Variants in SEC23A observed in about 807,000 individuals in gnomAD.
The protein encoded by SEC23A is protein transport protein Sec23A.
In SEC23A, 56 loss-of-function variants were observed where a neutral mutation model predicts 103.7. The ratio of observed to expected loss-of-function variants is 0.54; its 90% CI spans 0.44 to 0.67. SEC23A has a LOEUF of 0.67. Ranked by LOEUF, SEC23A falls within the 30% of genes least tolerant of loss-of-function variation. The pLI is 0.00. For synonymous variants in SEC23A, 281 were observed against 293.0 expected, an observed-to-expected ratio of 0.96 and a Z score of 0.42; for missense variants, 784 against 936.4, an observed-to-expected ratio of 0.84 and a Z score of 2.12.
rs116161131 is a variant in SEC23A, at chr14:39,095,102, G to C, written c.221+796C>G. On this transcript the variant is annotated intron_variant, in intron 2 of 19. Transcript: ENST00000307712. ...AAAAGACTGTGGTATCTTGAAGCAG[G>C]GTATACTACCAGAGATGGAATAAGA... 1.5e-3 allele frequency: 992 copies of C among 655,424 alleles called. 10 individuals carry two copies. The African/African-American group carries it at 0.016, about 11-fold the overall frequency. 40.6% of individuals were successfully genotyped at this position (655,424 alleles called of 1,614,324 possible).
At position 39,064,976 on chromosome 14, in the gene SEC23A, C is replaced by T. The variant is rs1162893166; in HGVS notation, c.1245G>A (p.Lys415=). Residue 415 remains lysine (K), a synonymous_variant, in exon 11 of 20, where the codon AAG becomes AAA. Transcript: ENST00000307712. Reference sequence around the variant, plus strand: ...CACAGGGTCCAATAGCTCCTGAAATCTTTATTTCCCTTGAGGTCTGCAAAA... The same window carrying T: ...CACAGGGTCCAATAGCTCCTGAAATTTTTATTTCCCTTGAGGTCTGCAAAA... ...TLEIKTSREI[K]ISGAIGPCVS... 5 of 1,612,312 alleles carry T rather than the reference C, an allele frequency of 3.1e-6. No homozygotes were observed. Among genetic ancestry groups the T allele is most frequent in the East Asian group, 2.2e-5 (1 of 44,878 alleles).
Position 39,055,261 on chromosome 14 carries a change from G to C in SEC23A, c.1541C>G (p.Ala514Gly). 1 of 1,614,146 alleles carries C rather than the reference G, an allele frequency of 6.2e-7. No homozygotes were observed. Among genetic ancestry groups the C allele is most frequent in the South Asian group, 1.1e-5 (1 of 91,082 alleles). Reference sequence around the variant, plus strand: ...AGCTGCCTCCTGGTCAAAAGATGCAGCAATGTTTTGGATTTGAGTTTGAGC... The same window carrying C: ...AGCTGCCTCCTGGTCAAAAGATGCACCAATGTTTTGGATTTGAGTTTGAGC... The part of the protein sequence containing the change: ...ADAQTQIQNI[A>G]ASFDQEAAAI... Residue 514 changes from alanine (A) to glycine (G), a missense_variant, in exon 14 of 20, where the codon GCT (alanine) becomes GGT (glycine). Coordinates refer to ENST00000307712, the MANE Select transcript of SEC23A (RefSeq NM_006364.4).
intron 14 of SEC23A, among the ~76,000 whole-genome samples, chr14:39,052,566 T>C (rs1045336741): frequency 1.3e-5 from 2 of 152,184 alleles, no homozygotes; most frequent in African/African-American, 2.4e-5. Context: ...TGTGACAACC[T>C]ACCAATTCAG....
In SEC23A at chr14:39,055,166, G is replaced by A. The variant is rs745952720; in HGVS notation, c.1636C>T (p.Leu546=). The change falls in exon 14 of 20, where the codon CTG becomes TTG. Residue 546 remains leucine, a synonymous_variant. Transcript: ENST00000307712. Reference sequence around the variant, plus strand: ...ACCAGTCGAATGAGCTGTCTGTCCAGCCACCTAAGCACATCTGGACCTTCT... The same window carrying A: ...ACCAGTCGAATGAGCTGTCTGTCCAACCACCTAAGCACATCTGGACCTTCT... ...TEEGPDVLRW[L]DRQLIRLCQK... is the part of the protein sequence containing the mutation. 6.2e-7 allele frequency: 1 copy of A among 1,614,144 alleles called. No homozygotes were observed. The highest frequency in any genetic ancestry group is 1.7e-5 in the Admixed American group (1 of 60,020).
rs1886947114 is a variant in SEC23A at position 39,074,512 on chromosome 14, T to C, written c.1006A>G (p.Asn336Asp). The C allele has an allele frequency of 1.2e-6, 2 of 1,608,724 alleles. No individual in the cohort carries two copies. Among genetic ancestry groups the C allele is most frequent in the East Asian group, 4.5e-5 (2 of 44,824 alleles). ...ACATGGCCAGTTGTAGCAGCTCGAT[T>C]AGCCAATGCTTCAAAATGCTACAAA... ...KGTKHFEALA[N>D]RAATTGHVID... is the part of the protein sequence containing the mutation. The change falls in exon 9 of 20, where the codon AAT becomes GAT. Residue 336 changes from asparagine to aspartate, a missense_variant. Asn to Asp is a conservative substitution (Grantham distance 23, BLOSUM62 1). Transcript: ENST00000307712.
At chr14:39,074,307 A>C (rs1403140610) in intron 9 of SEC23A, 108 bp downstream of exon 9, 3 of 767,676 alleles carry the variant, frequency 3.9e-6, no homozygotes, top group Non-Finnish European at 4.7e-6. Flanking sequence ...TGTTGCCTTG[A>C]AGTAGTGGGA....
rs1386746521 is a variant in SEC23A, at chr14:39,091,235, T to C, written c.603+242A>G. 3 of 525,940 alleles carry C rather than the reference T, an allele frequency of 5.7e-6. No individual in the cohort carries two copies. The African/African-American group carries it at 5.7e-5, about 10-fold the overall frequency. 32.6% of individuals were successfully genotyped at this position (525,940 alleles called of 1,614,324 possible). A position where few individuals can be genotyped will look rare whatever the true frequency, so the allele number is the denominator to read the frequency against. The stretch of plus-strand genomic sequence containing the variant: ...TAAGCCCTTCAAATCTCTAGTAAAA[T>C]ACTGTTGGTTTGACTTTAAATTTTA... On this transcript the variant is annotated intron_variant, in intron 5 of 19. Coordinates refer to ENST00000307712, the MANE Select transcript of SEC23A (RefSeq NM_006364.4).
chr14:39,087,813 A>T (rs576395508), intron 5 of SEC23A: 13 of 152,316 alleles, frequency 8.5e-5, no homozygotes, highest in African/African-American at 3.1e-4. Context: ...CTAAGAACTT[A>T]ATATGTTCCA....
At chr14:39,040,419 C>A (rs1177716922) in intron 18 of SEC23A, 1 of 323,936 alleles carries the variant, frequency 3.1e-6, no homozygotes, top group East Asian at 6.0e-5. Context: ...AAGTATATTA[C>A]TTTCCAAGCT....
chr14:39,067,115 T>C (rs1202054583), intron 10 of SEC23A, 58 bp downstream of exon 10: 5 of 1,599,636 alleles, frequency 3.1e-6, no homozygotes, highest in Non-Finnish European at 4.3e-6. Context: ...AGAATTACAC[T>C]CAAGCCTATA....
At chr14:39,069,271 T>G (rs1886768236) in intron 9 of SEC23A, among the ~76,000 whole-genome samples, 1 of 152,174 alleles carries the variant, frequency 6.6e-6, no homozygotes, top group Non-Finnish European at 1.5e-5. Flanking sequence ...TCAGCGATCC[T>G]TTTAAACTAT....
chr14:39,044,083 T>C (rs1459817973), intron 16 of SEC23A, among the ~76,000 whole-genome samples: 3 of 152,090 alleles, frequency 2.0e-5, no homozygotes, highest in Non-Finnish European at 4.4e-5. Context: ...TTAATAAGAA[T>C]GATCCAGATG....
chr14:39,064,900 A>G lies in SEC23A; in HGVS notation c.1308+13T>C. The G allele has an allele frequency of 6.3e-7, 1 of 1,584,694 alleles. No individual in the cohort carries two copies. The highest frequency in any genetic ancestry group is 8.7e-7 in the Non-Finnish European group (1 of 1,153,444). ...TGGTCCTGTATTTTCTTTTTAGAATAAACACAACTTACATTTTCAGACACA... is the reference window on the plus strand; with the variant it reads ...TGGTCCTGTATTTTCTTTTTAGAATGAACACAACTTACATTTTCAGACACA... On this transcript the variant is annotated intron_variant, in intron 11 of 19. Coordinates refer to ENST00000307712, the MANE Select transcript of SEC23A (RefSeq NM_006364.4).
chr14:39,048,630 T>C lies in SEC23A; in HGVS notation c.1737+22A>G, dbSNP rs546389601. 41 of 1,458,798 alleles carry C rather than the reference T, an allele frequency of 2.8e-5. No homozygotes were observed. In the East Asian group the frequency reaches 5.0e-4, roughly 18 times the overall value. 90.4% of individuals were successfully genotyped at this position (1,458,798 alleles called of 1,614,324 possible). ...AAGGAAAAAAAAGAAAAGAAAAGAATATGGACCTTTTACCTACTTACCTGT... is the reference window on the plus strand; with the variant it reads ...AAGGAAAAAAAAGAAAAGAAAAGAACATGGACCTTTTACCTACTTACCTGT... On this transcript the variant is annotated intron_variant, in intron 15 of 19. Coordinates refer to ENST00000307712, the MANE Select transcript of SEC23A (RefSeq NM_006364.4).
intron 5 of SEC23A, 169 bp downstream of exon 5, chr14:39,091,308 G>C (rs1448817973): frequency 1.6e-6 from 1 of 617,038 alleles, no homozygotes; most frequent in Non-Finnish European, 2.8e-6. Context: ...AACAATTTAA[G>C]GCACATGAAA....
At chr14:39,086,218 A>G (rs923349657) in intron 6 of SEC23A, among the ~76,000 whole-genome samples, 1 of 152,224 alleles carries the variant, frequency 6.6e-6, no homozygotes, top group Non-Finnish European at 1.5e-5. Flanking sequence ...ACAATAAACG[A>G]AACACTCAAA....
At chr14:39,044,053 T>C (rs1002263004) in intron 16 of SEC23A, among the ~76,000 whole-genome samples, 2 of 152,174 alleles carry the variant, frequency 1.3e-5, no homozygotes, top group African/African-American at 4.8e-5. Flanking sequence ...ACCTGACTGT[T>C]GTTATGGTTT....
At chr14:39,033,426 G>GAACAATA in intron 19 of SEC23A, 98 bp from the exon 20 acceptor site, 1 of 60,122 alleles carries the variant, frequency 1.7e-5, no homozygotes, top group Non-Finnish European at 3.1e-5. Flanking sequence ...CATTTGAAAT[G>GAACAATA]CCTATGGTCC....
chr14:39,101,536 T>C (rs1888095364), intron 1 of SEC23A, among the ~76,000 whole-genome samples: 1 of 151,564 alleles, frequency 6.6e-6, no homozygotes. Flanking sequence ...GAGAATAGCT[T>C]AGCTTGTACC....
Sources: gnomAD v4.1 joint callset for allele counts (sites outside exome capture counted in the v4.1 genomes callset) on GRCh38, gnomAD v4.1.1 for gene constraint, MANE v1.5 for transcripts, NCBI Gene and HGNC (gene_info 2026-07-23, HGNC 2026-07-21) for gene names.